Variants in SNX19 observed in about 807,000 individuals in gnomAD.
SNX19 encodes sorting nexin-19.
SNX19 carries 60 observed loss-of-function variants against 85.2 expected under a neutral mutation model. The observed-to-expected ratio is 0.70, with a 90% confidence interval of 0.57 to 0.87. The LOEUF (loss-of-function observed/expected upper bound fraction) is 0.87, where lower values mean the gene tolerates loss of function less well. Among genes scored for constraint, SNX19 ranks in the 40% least tolerant of loss-of-function variants. SNX19 has a pLI of 0.00. For missense variants in SNX19, 1,201 were observed against 1,217.8 expected, an observed-to-expected ratio of 0.99 and a Z score of 0.21; for synonymous variants, 520 against 470.0, an observed-to-expected ratio of 1.11 and a Z score of -1.38.
intron 5 of SNX19, among the ~76,000 whole-genome samples, chr11:130,907,511 C>T (rs1449164873): frequency 1.3e-5 from 2 of 152,132 alleles, no homozygotes; most frequent in Non-Finnish European, 2.9e-5. Context: ...CTAAAATAGG[C>T]CCTGCAGGTT....
At position 130,880,710 on chromosome 11, in the gene SNX19, C is replaced by T; in HGVS notation, c.2670G>A (p.Leu890=). Residue 890 remains leucine (L), a synonymous_variant, in exon 9 of 11, where the codon TTG becomes TTA. Transcript: ENST00000265909. Reference sequence around the variant, plus strand: ...TCCTTACGGGCCGTGGAAACTTAGGCAAAACTCCACCAGGCCAGATGGACT... The same window carrying T: ...TCCTTACGGGCCGTGGAAACTTAGGTAAAACTCCACCAGGCCAGATGGACT... ...LQESIWPGGV[L]PKFPRPVRTQ... 4 of 1,612,386 alleles carry T rather than the reference C, an allele frequency of 2.5e-6. No individual in the cohort carries two copies. The highest frequency in any genetic ancestry group is 1.3e-5 in the African/African-American group (1 of 75,014).
rs762994194 is a variant in SNX19 at position 130,915,840 on chromosome 11, C to A, written c.100G>T (p.Val34Phe). 6.2e-7 allele frequency: 1 copy of A among 1,614,236 alleles called. No individual in the cohort carries two copies. The highest frequency in any genetic ancestry group is 8.5e-7 in the Non-Finnish European group (1 of 1,180,046). ...ATGACCAGGAGCCAGCCAAGCAAGA[C>A]CCCCACAGCCATCAGCTTCCGGCTA... ...LSSRKLMAVG[V>F]LLGWLLVIHL... The change falls in exon 1 of 11, where the codon GTC becomes TTC. Residue 34 changes from valine to phenylalanine, a missense_variant. Coordinates refer to ENST00000265909, the MANE Select transcript of SNX19 (RefSeq NM_014758.3).
chr11:130,915,813 G>T lies in SNX19; in HGVS notation c.127C>A (p.His43Asn), dbSNP rs1946541326. The T allele has an allele frequency of 6.2e-7, 1 of 1,614,118 alleles. No individual in the cohort carries two copies. Among genetic ancestry groups the T allele is most frequent in the African/African-American group, 1.3e-5 (1 of 74,946 alleles). ...AGCAGCCACACGTTGACCAGAAGGTGTATGACCAGGAGCCAGCCAAGCAAG... is the reference window on the plus strand; with the variant it reads ...AGCAGCCACACGTTGACCAGAAGGTTTATGACCAGGAGCCAGCCAAGCAAG... ...GVLLGWLLVI[H>N]LLVNVWLLCL... Residue 43 changes from histidine (H) to asparagine (N), a missense_variant, in exon 1 of 11, where the codon CAC (histidine) becomes AAC (asparagine). His to Asn is a moderately conservative substitution (Grantham distance 68). Coordinates refer to ENST00000265909, the MANE Select transcript of SNX19 (RefSeq NM_014758.3).
chr11:130,894,529 G>C (rs928600526), intron 8 of SNX19, among the ~76,000 whole-genome samples: 3 of 152,170 alleles, frequency 2.0e-5, no homozygotes, highest in African/African-American at 7.2e-5. Context: ...ATCACGGCAG[G>C]GGACCTATAA....
intron 8 of SNX19, among the ~76,000 whole-genome samples, chr11:130,884,898 T>C (rs935015919): frequency 7.3e-5 from 11 of 150,508 alleles, no homozygotes; most frequent in African/African-American, 2.7e-4. Context: ...AAAAAATTAC[T>C]TATAATAAAT....
At position 130,876,997 on chromosome 11, in the gene SNX19, TTTAA is replaced by T. The variant is rs1373260746; in HGVS notation, c.*1421_*1424del. On this transcript the variant is annotated 3_prime_UTR_variant, in exon 11 of 11. Coordinates refer to ENST00000265909, the MANE Select transcript of SNX19 (RefSeq NM_014758.3). ...TTTACAACTTTCTTCCACAAACCAC[TTTAA>T]TTGTGTGCTCATCACCGACTTCAGA... The T allele has an allele frequency of 6.6e-6, 1 of 152,258 alleles. No homozygotes were observed. The highest frequency in any genetic ancestry group is 2.4e-5 in the African/African-American group (1 of 41,458). The allele number at this position is 152,258 out of a possible 1,614,324, so 9.4% of individuals were successfully genotyped here. A position where few individuals can be genotyped will look rare whatever the true frequency, so the allele number is the denominator to read the frequency against.
chr11:130,912,162 C>T (rs187693912), intron 1 of SNX19, among the ~76,000 whole-genome samples: 2 of 152,266 alleles, frequency 1.3e-5, no homozygotes, highest in Admixed American at 6.5e-5. Flanking sequence ...TATACTCTCC[C>T]GTGATTATTT....
chr11:130,899,782 A>C lies in SNX19; in HGVS notation c.2573+3473T>G, dbSNP rs892903264. On this transcript the variant is annotated intron_variant, in intron 8 of 10. Transcript: ENST00000265909. ...AGTTACAACAAGTTTTTCAAAAGTAACTAGCCGCAAAATGCTGTTCTTGCC... is the reference window on the plus strand; with the variant it reads ...AGTTACAACAAGTTTTTCAAAAGTACCTAGCCGCAAAATGCTGTTCTTGCC... 8.3e-4 allele frequency among the ~76,000 whole-genome samples: 126 copies of C among 152,266 alleles called. 1 individual carries two copies. Among genetic ancestry groups the C allele is most frequent in the Non-Finnish European group, 1.8e-4 (12 of 68,044 alleles).
chr11:130,915,668 C>A lies in SNX19; in HGVS notation c.272G>T (p.Cys91Phe). Residue 91 changes from cysteine to phenylalanine, a missense_variant, in exon 1 of 11, where the codon TGC (cysteine) becomes TTC (phenylalanine). By Grantham distance (205) the Cys-to-Phe change is radical. Transcript: ENST00000265909. ...TTCCAGCTGCCTTTCTGCCTCAGGG[C>A]ATGGAGGACAGGTGGCCAACGGGAT... Reference protein sequence around the residue: ...RFIPLATCPPCPEAERQLERE... With the variant: ...RFIPLATCPPFPEAERQLERE... 1 of 1,614,244 alleles carries A rather than the reference C, an allele frequency of 6.2e-7. No individual in the cohort carries two copies. Among genetic ancestry groups the A allele is most frequent in the Non-Finnish European group, 8.5e-7 (1 of 1,180,042 alleles).
chr11:130,905,081 C>T (rs1169141954), intron 7 of SNX19, among the ~76,000 whole-genome samples: 1 of 152,166 alleles, frequency 6.6e-6, no homozygotes. Flanking sequence ...ATCTTTTATT[C>T]TCAACAGAGG....
chr11:130,897,472 T>C (rs1194995127), intron 8 of SNX19, among the ~76,000 whole-genome samples: 2 of 152,122 alleles, frequency 1.3e-5, no homozygotes, highest in South Asian at 4.1e-4. Context: ...TTGACACAGG[T>C]CTGATGCCAT....
At position 130,916,461 on chromosome 11, in the gene SNX19, C is replaced by A. The variant is rs1946593988; in HGVS notation, c.-522G>T. 6.6e-6 allele frequency: 1 copy of A among 152,290 alleles called. No homozygotes were observed. The highest frequency in any genetic ancestry group is 1.5e-5 in the Non-Finnish European group (1 of 68,078). The allele number at this position is 152,290 out of a possible 1,614,324, so 9.4% of individuals were successfully genotyped here. A position where few individuals can be genotyped will look rare whatever the true frequency, so the allele number is the denominator to read the frequency against. Reference sequence around the variant, plus strand: ...GGCCTGTGTGAAGGCTGACCGCCGGCCGGCCGCCGGCGACAGCTTCCGGGT... The same window carrying A: ...GGCCTGTGTGAAGGCTGACCGCCGGACGGCCGCCGGCGACAGCTTCCGGGT... On this transcript the variant is annotated 5_prime_UTR_variant, in exon 1 of 11. Transcript: ENST00000265909.
At chr11:130,908,238 T>C (rs1945827757) in intron 4 of SNX19, 155 bp from the exon 5 acceptor site, 4 of 699,596 alleles carry the variant, frequency 5.7e-6, no homozygotes, top group Non-Finnish European at 6.5e-6. Flanking sequence ...GAATACCAGC[T>C]AATGACTTAG....
chr11:130,915,353 G>A lies in SNX19; in HGVS notation c.587C>T (p.Thr196Ile), dbSNP rs528474784. 1 of 1,614,170 alleles carries A rather than the reference G, an allele frequency of 6.2e-7. No individual in the cohort carries two copies. The highest frequency in any genetic ancestry group is 1.1e-5 in the South Asian group (1 of 91,090). Residue 196 changes from threonine to isoleucine, a missense_variant, in exon 1 of 11, where the codon ACT (threonine) becomes ATT (isoleucine). Physicochemically the swap from Thr to Ile is moderately conservative, Grantham distance 89 (BLOSUM62 -1). Transcript: ENST00000265909. ...GCTGTGCACAGCAGGATGTGGGGCA[G>A]TCGCCCGGCAGTAAGCCTCCCAGAG... ...SHLWEAYCRA[T>I]APHPAVHSPS...
chr11:130,910,444 A>C, intron 2 of SNX19, 74 bp from the exon 3 acceptor site: 1 of 1,101,348 alleles, frequency 9.1e-7, no homozygotes, highest in East Asian at 2.4e-5. Context: ...TAAAACATAT[A>C]AAGAAAACAG....
At chr11:130,900,405 C>G (rs1274001661) in intron 8 of SNX19, among the ~76,000 whole-genome samples, 1 of 152,206 alleles carries the variant, frequency 6.6e-6, no homozygotes, top group Admixed American at 6.5e-5. Context: ...TGAGCCCTGT[C>G]TTTTCCATGT....
intron 7 of SNX19, among the ~76,000 whole-genome samples, chr11:130,905,490 C>T (rs1945594079): frequency 6.6e-6 from 1 of 152,090 alleles, no homozygotes. Context: ...GCTGGAGTCA[C>T]CCTGGAAGAG....
In SNX19 at chr11:130,868,678, C is replaced by G. The variant is rs1401405277; in HGVS notation, c.*9744G>C. On this transcript the variant is annotated 3_prime_UTR_variant, in exon 11 of 11. Coordinates refer to ENST00000265909, the MANE Select transcript of SNX19 (RefSeq NM_014758.3). ...TTAAGTACTCCTCCGCCCCCAACCC[C>G]CCGACCACACCCCATGCCCAGTATA... 1 of 152,230 alleles carries G rather than the reference C, an allele frequency of 6.6e-6. No homozygotes were observed. Among genetic ancestry groups the G allele is most frequent in the Non-Finnish European group, 1.5e-5 (1 of 68,124 alleles). 9.4% of individuals were successfully genotyped at this position (152,230 alleles called of 1,614,324 possible).
rs926607068 is a variant in SNX19 at position 130,869,418 on chromosome 11, T to G, written c.*9004A>C. On this transcript the variant is annotated 3_prime_UTR_variant, in exon 11 of 11. Transcript: ENST00000265909. ...TCTTTCCCATTTGAGCATTAATTAC[T>G]CAGTATTTTCTCATCAGTTTTCAGA... The G allele has an allele frequency of 6.6e-6, 1 of 152,230 alleles. No individual in the cohort carries two copies. The highest frequency in any genetic ancestry group is 1.5e-5 in the Non-Finnish European group (1 of 68,048). 9.4% of individuals were successfully genotyped at this position (152,230 alleles called of 1,614,324 possible).
Sources: gnomAD v4.1 joint callset for allele counts (sites outside exome capture counted in the v4.1 genomes callset) on GRCh38, gnomAD v4.1.1 for gene constraint, MANE v1.5 for transcripts, NCBI Gene and HGNC (gene_info 2026-07-23, HGNC 2026-07-21) for gene names.